The following TSGA10 variants were observed in gnomAD, a reference collection of about 807,000 sequenced individuals.
The protein encoded by TSGA10 is testis-specific gene 10 protein.
In TSGA10, 43 loss-of-function variants were observed where a neutral mutation model predicts 96.6. The observed-to-expected ratio is 0.44, with a 90% CI of 0.35 to 0.57. TSGA10 has a LOEUF of 0.57. TSGA10 is among the 20% of genes least tolerant of loss of function. TSGA10 has a pLI of 0.01. For synonymous variants in TSGA10, 229 were observed against 269.9 expected (o/e 0.85, Z 1.48); for missense variants, 703 against 834.4 (o/e 0.84, Z 1.94).
chr2:99,145,724 G>A (rs1246131512), intron 1 of TSGA10, among the ~76,000 whole-genome samples: 1 of 152,166 alleles, frequency 6.6e-6, no homozygotes, highest in African/African-American at 2.4e-5. Flanking sequence ...CATCTTTGAA[G>A]ACTATTATTC....
At chr2:99,050,921 G>A (rs2083333947) in intron 16 of TSGA10, among the ~76,000 whole-genome samples, 1 of 152,006 alleles carries the variant, frequency 6.6e-6, no homozygotes, top group African/African-American at 2.4e-5. Context: ...ATTTAGATAT[G>A]TTTATATACA....
intron 16 of TSGA10, among the ~76,000 whole-genome samples, chr2:99,042,965 C>T (rs1169427523): frequency 2.0e-5 from 3 of 152,086 alleles, no homozygotes; most frequent in African/African-American, 7.2e-5. Flanking sequence ...TCCCAAAGTG[C>T]TGGGATTACA....
intron 1 of TSGA10, among the ~76,000 whole-genome samples, chr2:99,136,239 A>G (rs1179515989): frequency 6.6e-6 from 1 of 152,002 alleles, no homozygotes; most frequent in East Asian, 1.9e-4. Context: ...CCCTACTATC[A>G]CTGTTTTAGT....
At chr2:99,025,681 T>G (rs148111113) in intron 17 of TSGA10, among the ~76,000 whole-genome samples, 2 of 152,324 alleles carry the variant, frequency 1.3e-5, no homozygotes, top group African/African-American at 4.8e-5. Context: ...AAGGCTAGGT[T>G]AGTGACTTAA....
rs946213656 is a variant in TSGA10 at position 98,998,094 on chromosome 2, C to G, written c.*103G>C. 7 of 951,664 alleles carry G rather than the reference C, an allele frequency of 7.4e-6. No individual in the cohort carries two copies. The African/African-American group carries it at 1.2e-4, about 16-fold the overall frequency. The allele number at this position is 951,664 out of a possible 1,614,324, so 59.0% of individuals were successfully genotyped here. On this transcript the variant is annotated 3_prime_UTR_variant, in exon 21 of 21. Transcript: ENST00000393483. ...ACACAAAGTTAATAAATACATTTAA[C>G]ATTGCCAAGCATTTAAAAGATAAAT...
intron 4 of TSGA10, 45 bp from the exon 5 acceptor site, chr2:99,110,960 G>C (rs1043137844): frequency 1.9e-6 from 1 of 528,340 alleles, no homozygotes; most frequent in Non-Finnish European, 2.4e-6. Context: ...TATTAAAGAT[G>C]TTTAAACTAA....
At chr2:99,046,252 C>T (rs910421269) in intron 16 of TSGA10, among the ~76,000 whole-genome samples, 2 of 152,178 alleles carry the variant, frequency 1.3e-5, no homozygotes, top group African/African-American at 4.8e-5. Flanking sequence ...CACTCCACCC[C>T]AAATCAACAG....
intron 2 of TSGA10, among the ~76,000 whole-genome samples, chr2:99,119,433 C>T (rs116711809): frequency 0.018 from 2,670 of 152,218 alleles, 37 homozygotes; most frequent in South Asian, 0.04. Context: ...TGATCCAACT[C>T]GACTTAGCTG....
At chr2:99,058,690 T>G (rs771542360) in intron 16 of TSGA10, among the ~76,000 whole-genome samples, 1 of 152,028 alleles carries the variant, frequency 6.6e-6, no homozygotes, top group African/African-American at 2.4e-5. Context: ...TTTGACAACT[T>G]AGATGAAATA....
intron 15 of TSGA10, 26 bp downstream of exon 15, chr2:99,068,862 A>C: frequency 3.3e-6 from 4 of 1,205,200 alleles, no homozygotes; most frequent in Non-Finnish European, 4.5e-6. Context: ...AAGTATCATG[A>C]GCAAAAAGAA....
intron 4 of TSGA10, among the ~76,000 whole-genome samples, chr2:99,113,158 T>C (rs2091960564): frequency 6.6e-6 from 1 of 152,014 alleles, no homozygotes; most frequent in African/African-American, 2.4e-5. Flanking sequence ...CGAAGGCATA[T>C]AGTTGAGGTG....
chr2:99,140,093 C>T (rs1446375066), intron 1 of TSGA10, among the ~76,000 whole-genome samples: 2 of 152,220 alleles, frequency 1.3e-5, no homozygotes, highest in East Asian at 1.9e-4. Flanking sequence ...GTAAACAGTA[C>T]GCGAGATATT....
chr2:99,033,404 A>T (rs899101711), intron 17 of TSGA10, among the ~76,000 whole-genome samples: 1 of 152,188 alleles, frequency 6.6e-6, no homozygotes, highest in Admixed American at 6.5e-5. Flanking sequence ...AACTTCAGAG[A>T]TTTCTTTCAG....
At chr2:99,152,144 A>T (rs1165700698) in intron 1 of TSGA10, among the ~76,000 whole-genome samples, 2 of 152,218 alleles carry the variant, frequency 1.3e-5, no homozygotes, top group African/African-American at 4.8e-5. Flanking sequence ...TAGTGAATAA[A>T]ATAGCCAGTG....
At chr2:99,102,652 A>C in intron 10 of TSGA10, 1 of 1,614,082 alleles carries the variant, frequency 6.2e-7, no homozygotes, top group East Asian at 2.2e-5. Flanking sequence ...TCAGCTGACA[A>C]ATTCTATGGT....
At chr2:99,030,491 C>G (rs62154639) in intron 17 of TSGA10, among the ~76,000 whole-genome samples, 21,573 of 151,964 alleles carry the variant, frequency 0.14, 1,885 homozygotes, top group Non-Finnish European at 0.19. Context: ...CTACAAAAAT[C>G]AAAATATTAG....
intron 1 of TSGA10, among the ~76,000 whole-genome samples, chr2:99,136,778 G>A (rs1182619099): frequency 6.8e-5 from 1 of 14,734 alleles, no homozygotes; most frequent in African/African-American, 1.4e-4. Flanking sequence ...CAGCCTGGGC[G>A]ACAGAGCGAG....
intron 10 of TSGA10, among the ~76,000 whole-genome samples, chr2:99,087,714 G>GT (rs2104654309): frequency 6.6e-6 from 1 of 151,942 alleles, no homozygotes; most frequent in Admixed American, 6.5e-5. Flanking sequence ...AAAATTTTTT[G>GT]TTCATCAAAA....
chr2:99,109,219 C>A (rs747125248), intron 6 of TSGA10, among the ~76,000 whole-genome samples, 170 bp downstream of exon 6: 1 of 152,090 alleles, frequency 6.6e-6, no homozygotes, highest in Non-Finnish European at 1.5e-5. Context: ...GATAAAGAAC[C>A]AATATCAGTA....
Sources: gnomAD v4.1 joint callset for allele counts (sites outside exome capture counted in the v4.1 genomes callset) on GRCh38, gnomAD v4.1.1 for gene constraint, MANE v1.5 for transcripts, NCBI Gene and HGNC (gene_info 2026-07-23, HGNC 2026-07-21) for gene names.